Variants in RANBP2 observed in about 807,000 individuals in gnomAD.
RANBP2 encodes the protein RAN binding protein 2.
A neutral mutation model predicts 303.6 loss-of-function variants in RANBP2; 57 were observed. That is an observed-to-expected ratio of 0.19 (90% confidence interval 0.15 to 0.23). The LOEUF (loss-of-function observed/expected upper bound fraction) is 0.23, where lower values mean the gene tolerates loss of function less well. RANBP2 is among the 10% of genes least tolerant of loss of function. The pLI, the probability that RANBP2 is intolerant of heterozygous loss-of-function variation, is 1.00. For missense variants in RANBP2, 3,138 were observed against 3,780.8 expected (o/e 0.83, Z 4.46); for synonymous variants, 1,167 against 1,301.5 (o/e 0.90, Z 2.23).
At chr2:109,765,931 C>T in the RANBP2 span, among the ~76,000 whole-genome samples, 1 of 150,570 alleles carries the variant, frequency 6.6e-6, no homozygotes, top group South Asian at 2.1e-4. Flanking sequence ...GGTGCCTCTA[C>T]CCTTTCCTCC....
the RANBP2 span, among the ~76,000 whole-genome samples, chr2:109,146,667 C>T: frequency 3.3e-5 from 5 of 152,280 alleles, no homozygotes; most frequent in Admixed American, 1.3e-4. Flanking sequence ...CTGCTTTGGT[C>T]CCCAAAGTCA....
the RANBP2 span, among the ~76,000 whole-genome samples, chr2:109,186,987 T>C: frequency 6.6e-6 from 1 of 152,128 alleles, no homozygotes; most frequent in Non-Finnish European, 1.5e-5. Context: ...CCCTAGAAGT[T>C]TGCTCGTCTC....
the RANBP2 span, among the ~76,000 whole-genome samples, chr2:109,178,320 C>G: frequency 1.3e-5 from 2 of 152,094 alleles, no homozygotes; most frequent in Admixed American, 6.6e-5. Context: ...TTCTCTATTG[C>G]AATTCATTGA....
chr2:109,685,922 C>T, the RANBP2 span, among the ~76,000 whole-genome samples: 230 of 152,034 alleles, frequency 1.5e-3, no homozygotes, highest in South Asian at 8.1e-3. Context: ...GGGTAAAACC[C>T]CCCCAAAAAA....
At chr2:109,342,505 G>C in the RANBP2 span, among the ~76,000 whole-genome samples, 154 of 152,334 alleles carry the variant, frequency 1.0e-3, no homozygotes, top group African/African-American at 3.5e-3. Flanking sequence ...GCCGTGACAA[G>C]TGCTCTCCTT....
chr2:109,127,251 G>A, the RANBP2 span: 1 of 152,146 alleles, frequency 6.6e-6, no homozygotes, highest in African/African-American at 2.4e-5. Flanking sequence ...GAGATACTAA[G>A]ATCTGCCTTC....
At chr2:108,904,446 C>T in the RANBP2 span, among the ~76,000 whole-genome samples, 385 of 152,332 alleles carry the variant, frequency 2.5e-3, 4 homozygotes, top group Non-Finnish European at 8.4e-4. Context: ...TACAACCCAA[C>T]AAATGTACTC....
the RANBP2 span, among the ~76,000 whole-genome samples, chr2:109,352,077 C>T: frequency 1.3e-5 from 2 of 152,140 alleles, no homozygotes; most frequent in Admixed American, 6.5e-5. Flanking sequence ...CATGGTGACT[C>T]GAACATTTAC....
the RANBP2 span, among the ~76,000 whole-genome samples, chr2:109,000,355 C>G: frequency 1.2e-4 from 18 of 151,946 alleles, no homozygotes; most frequent in Non-Finnish European, 2.4e-4. Context: ...AGCAAGACCC[C>G]CTCTCTACAA....
the RANBP2 span, among the ~76,000 whole-genome samples, chr2:109,321,405 A>G: frequency 6.6e-6 from 1 of 152,246 alleles, no homozygotes; most frequent in South Asian, 2.1e-4. Flanking sequence ...TGAAGTGGAA[A>G]TTAGTTGAGT....
chr2:109,067,877 G>C, the RANBP2 span, among the ~76,000 whole-genome samples: 2 of 152,170 alleles, frequency 1.3e-5, no homozygotes, highest in East Asian at 3.9e-4. Context: ...CGACCACCCT[G>C]TTCTGACCCT....
At chr2:109,731,521 A>C in the RANBP2 span, among the ~76,000 whole-genome samples, 3 of 151,904 alleles carry the variant, frequency 2.0e-5, no homozygotes, top group Non-Finnish European at 4.4e-5. Flanking sequence ...CAGCCTCCAG[A>C]GTAGCTGGGA....
the RANBP2 span, among the ~76,000 whole-genome samples, chr2:109,359,768 G>A: frequency 6.6e-6 from 1 of 152,166 alleles, no homozygotes; most frequent in African/African-American, 2.4e-5. Flanking sequence ...AGTTTCTTCA[G>A]CATCCTCAAG....
chr2:108,903,257 A>G, the RANBP2 span, among the ~76,000 whole-genome samples: 1 of 152,322 alleles, frequency 6.6e-6, no homozygotes, highest in South Asian at 2.1e-4. Context: ...AAATAAATGA[A>G]GAGATATACC....
At chr2:108,987,587 A>T in the RANBP2 span, among the ~76,000 whole-genome samples, 10 of 152,234 alleles carry the variant, frequency 6.6e-5, no homozygotes, top group Admixed American at 5.2e-4. Context: ...TTTCAGGGAA[A>T]GTGTATTTAC....
chr2:108,892,644 C>A, the RANBP2 span, among the ~76,000 whole-genome samples: 1 of 152,182 alleles, frequency 6.6e-6, no homozygotes, highest in South Asian at 2.1e-4. Context: ...CAGCAGCTCC[C>A]TATGTTAGCT....
At chr2:109,054,243 G>A in the RANBP2 span, among the ~76,000 whole-genome samples, 4 of 152,284 alleles carry the variant, frequency 2.6e-5, no homozygotes, top group East Asian at 7.7e-4. Flanking sequence ...AGACAATCTG[G>A]CATCAGACGT....
At chr2:109,630,084 G>A in the RANBP2 span, among the ~76,000 whole-genome samples, 1 of 152,084 alleles carries the variant, frequency 6.6e-6, no homozygotes, top group African/African-American at 2.4e-5. Flanking sequence ...GTGACACTAA[G>A]GTTTAGGAGA....
the RANBP2 span, among the ~76,000 whole-genome samples, chr2:109,440,212 A>C: frequency 6.6e-6 from 1 of 152,200 alleles, no homozygotes; most frequent in Non-Finnish European, 1.5e-5. Flanking sequence ...GCAGAGGCAT[A>C]CTGTCCTTTA....
Sources: allele counts gnomAD v4.1 joint callset (sites outside exome capture counted in the v4.1 genomes callset), GRCh38; gene constraint gnomAD v4.1.1; transcripts MANE v1.5; gene names NCBI Gene and HGNC (gene_info 2026-07-23, HGNC 2026-07-21).